The following NAV1 variants were observed in gnomAD, a reference collection of about 807,000 sequenced individuals.
NAV1 encodes the protein pore membrane and/or filament interacting like protein 3.
Under a neutral mutation model 175.2 loss-of-function variants are expected in NAV1, and 18 were observed. The observed-to-expected ratio is 0.10, with a 90% CI of 0.07 to 0.15. The LOEUF (loss-of-function observed/expected upper bound fraction) is 0.15, where lower values mean the gene tolerates loss of function less well. Among genes scored for constraint, NAV1 ranks in the 10% least tolerant of loss-of-function variants. The probability of loss-of-function intolerance (pLI) is 1.00; values close to 1 mark genes in which losing one functional copy is unlikely to be tolerated. For synonymous variants in NAV1, 897 were observed against 978.7 expected (o/e 0.92, Z 1.56); for missense variants, 1,731 against 2,436.6 (o/e 0.71, Z 6.10).
chr1:201,563,227 C>T (rs943821916), intron 1 of NAV1, among the ~76,000 whole-genome samples: 3 of 152,170 alleles, frequency 2.0e-5, no homozygotes, highest in Admixed American at 1.3e-4. Context: ...TGTGCATCCG[C>T]GGCAGCAGGA....
chr1:201,603,180 G>T (rs1443600096), intron 2 of NAV1, among the ~76,000 whole-genome samples: 1 of 152,138 alleles, frequency 6.6e-6, no homozygotes, highest in Non-Finnish European at 1.5e-5. Flanking sequence ...AAAGGTTTAG[G>T]CTAGACATCA....
chr1:201,554,991 C>T (rs1665971832), intron 1 of NAV1, among the ~76,000 whole-genome samples: 1 of 152,176 alleles, frequency 6.6e-6, no homozygotes. Flanking sequence ...TCTGCCTTCA[C>T]CGCTGCATGG....
intron 1 of NAV1, among the ~76,000 whole-genome samples, chr1:201,660,979 T>C (rs944604849): frequency 1.3e-5 from 2 of 152,198 alleles, no homozygotes; most frequent in Admixed American, 6.5e-5. Context: ...TATGGCCTTA[T>C]TGGTGCATGC....
rs75100116 is a variant in NAV1, at chr1:201,566,186, A to G, written c.-143-22353A>G. On this transcript the variant is annotated intron_variant, in intron 1 of 33. Transcript: ENST00000685211. ...ACGCTTGCCCACCTCTTTCAGAGAGAGGCAGGCCACTTCTCCTGGGCATTT... is the reference window on the plus strand; with the variant it reads ...ACGCTTGCCCACCTCTTTCAGAGAGGGGCAGGCCACTTCTCCTGGGCATTT... 3.2e-3 allele frequency among the ~76,000 whole-genome samples: 493 copies of G among 152,182 alleles called. 1 individual carries two copies. Among genetic ancestry groups the G allele is most frequent in the African/African-American group, 0.011 (442 of 41,512 alleles).
At chr1:201,728,416 AC>A (rs1266646302) in intron 3 of NAV1, among the ~76,000 whole-genome samples, 1 of 150,960 alleles carries the variant, frequency 6.6e-6, no homozygotes, top group Non-Finnish European at 1.5e-5. Flanking sequence ...ACATGGTGAA[AC>A]CCCGCCTCTA....
chr1:201,700,703 A>G (rs1220269339), intron 1 of NAV1, among the ~76,000 whole-genome samples: 4 of 152,242 alleles, frequency 2.6e-5, no homozygotes, highest in Admixed American at 6.5e-5. Context: ...CATCAATGAT[A>G]GACTGGATTA....
At chr1:201,624,439 G>A (rs150928213) in intron 1 of NAV1, among the ~76,000 whole-genome samples, 6,961 of 148,430 alleles carry the variant, frequency 0.047, 332 homozygotes, top group East Asian at 0.27. Context: ...CGCCTCCCAG[G>A]TTCACGCCAT....
chr1:201,634,563 G>A (rs1668563241), intron 2 of NAV1, among the ~76,000 whole-genome samples: 1 of 152,178 alleles, frequency 6.6e-6, no homozygotes, highest in African/African-American at 2.4e-5. Context: ...GATAAGTAAG[G>A]TCATCCGAGG....
chr1:201,816,823 A>C, intron 28 of NAV1: 1 of 426,138 alleles, frequency 2.3e-6, no homozygotes, highest in Non-Finnish European at 4.3e-6. Flanking sequence ...ACCGCCATGC[A>C]TGGCTAATTT....
intron 1 of NAV1, among the ~76,000 whole-genome samples, chr1:201,554,154 T>G (rs1665945955): frequency 6.6e-6 from 1 of 152,224 alleles, no homozygotes; most frequent in African/African-American, 2.4e-5. Flanking sequence ...GGCCCCTGGT[T>G]TCCCCATAAG....
At chr1:201,582,897 G>A (rs1666909734) in intron 1 of NAV1, among the ~76,000 whole-genome samples, 1 of 152,256 alleles carries the variant, frequency 6.6e-6, no homozygotes, top group Non-Finnish European at 1.5e-5. Flanking sequence ...ATCCCAAGCA[G>A]ACTGCTCTCC....
intron 28 of NAV1, among the ~76,000 whole-genome samples, chr1:201,816,431 G>A (rs1042604957): frequency 7.9e-5 from 12 of 151,736 alleles, no homozygotes; most frequent in South Asian, 4.2e-4. Context: ...GCCATCCCAC[G>A]GCAAATACAT....
At chr1:201,662,096 G>A (rs1156581729) in intron 1 of NAV1, among the ~76,000 whole-genome samples, 4 of 152,230 alleles carry the variant, frequency 2.6e-5, no homozygotes. Flanking sequence ...TGCCTCCTTA[G>A]CCACTATGCC....
chr1:201,765,405 T>C (rs531082240), intron 3 of NAV1, among the ~76,000 whole-genome samples: 2 of 115,870 alleles, frequency 1.7e-5, no homozygotes, highest in African/African-American at 2.9e-5. Context: ...TTTTTTTTTC[T>C]TTTTTTTGAG....
At chr1:201,602,636 T>TGTTTTTTTTTTTTTG (rs1558014166) in intron 2 of NAV1, among the ~76,000 whole-genome samples, 4 of 138,374 alleles carry the variant, frequency 2.9e-5, no homozygotes, top group Non-Finnish European at 4.6e-5. Context: ...ACTTAAGCTA[T>TGTTTTTTTTTTTTTG]GTTTTTTTTT....
rs758401200 is a variant in NAV1 at position 201,756,828 on chromosome 1, CTTTCTT to C, written c.1227-23591_1227-23586del. Among the ~76,000 whole-genome samples the C allele has an allele frequency of 0.011, 226 of 21,360 alleles. 3 individuals carry two copies. In the Middle Eastern group the frequency reaches 0.21, roughly 20 times the overall value. 14.0% of individuals were successfully genotyped at this position (21,360 alleles called of 152,430 possible). ...TCTTTCCTTCTTTCTTTCTTTCTTTCTTTCTTTCTTTCTTTCTTTCTTTCTTTCTTT... is the reference window on the plus strand; with the variant it reads ...TCTTTCCTTCTTTCTTTCTTTCTTTCTCTTTCTTTCTTTCTTTCTTTCTTT... On this transcript the variant is annotated intron_variant, in intron 3 of 29. Transcript: ENST00000367296.
rs534761470 is a variant in NAV1 at position 201,779,897 on chromosome 1, C to T, written c.1227-524C>T. Among the ~76,000 whole-genome samples the T allele has an allele frequency of 4.6e-5, 7 of 152,148 alleles. No individual in the cohort carries two copies. The South Asian group carries it at 6.2e-4, about 14-fold the overall frequency. ...GTATGTTCTGTTTAGAAGCAGGACC[C>T]GATCCCAGGATAGGGTGAACTGCAT... On this transcript the variant is annotated intron_variant, in intron 3 of 29. Transcript: ENST00000367296.
chr1:201,787,642 C>T lies in NAV1; in HGVS notation c.2996-826C>T, dbSNP rs1450371886. 1.1e-4 allele frequency: 51 copies of T among 456,104 alleles called. No individual in the cohort carries two copies. Among genetic ancestry groups the T allele is most frequent in the Admixed American group, 1.1e-3 (47 of 42,556 alleles). The allele number at this position is 456,104 out of a possible 1,614,324, so 28.3% of individuals were successfully genotyped here. On this transcript the variant is annotated intron_variant, in intron 9 of 29. Coordinates refer to ENST00000367296, the Ensembl canonical transcript of NAV1. This position sits in a 1 kb window ranked among gnomAD's most constrained non-coding sequence, Gnocchi z 4.3. Reference sequence around the variant, plus strand: ...GGTCAACAGAGAGGTGTGCCATCTTCTTCTGCACAGGTCTTTATGGACAGA... The same window carrying T: ...GGTCAACAGAGAGGTGTGCCATCTTTTTCTGCACAGGTCTTTATGGACAGA...
chr1:201,695,509 A>G (rs1671153133), intron 1 of NAV1, among the ~76,000 whole-genome samples: 1 of 152,202 alleles, frequency 6.6e-6, no homozygotes, highest in Non-Finnish European at 1.5e-5. Context: ...CTGTCCTGGA[A>G]AGATGTGTTG....
Sources: gnomAD v4.1 joint callset for allele counts (sites outside exome capture counted in the v4.1 genomes callset) on GRCh38, gnomAD v4.1.1 for gene constraint, Gnocchi (gnomAD v3.1) non-coding constraint, MANE v1.5 for transcripts, NCBI Gene and HGNC (gene_info 2026-07-23, HGNC 2026-07-21) for gene names.